Variants in GIT2 observed in about 807,000 individuals in gnomAD.
The protein encoded by GIT2 is GIT ArfGAP 2, also known as ARF GTPase-activating protein GIT2.
GIT2 carries 32 observed loss-of-function variants against 100.3 expected under a neutral mutation model. The observed-to-expected ratio is 0.32, with a 90% CI of 0.24 to 0.43. GIT2 has a LOEUF of 0.43. Among genes scored for constraint, GIT2 ranks in the 20% least tolerant of loss-of-function variants. GIT2 has a pLI of 1.00. For missense variants in GIT2, 737 were observed against 975.1 expected (o/e 0.76, Z 3.25); for synonymous variants, 353 against 364.1 (o/e 0.97, Z 0.35).
At position 109,933,554 on chromosome 12, in the gene GIT2, T is replaced by C. The variant is rs1235190643; in HGVS notation, c.2068-364A>G. On this transcript the variant is annotated intron_variant, in intron 19 of 19. Transcript: ENST00000355312. The surrounding 1 kb of genome is among the most constrained non-coding windows in gnomAD (Gnocchi z 4.5). ...CCTTGTCTTATTAAATCAACATTCA[T>C]GCAGAACAAAAATATTTCAAAGCTC... is the stretch of plus-strand genomic sequence containing the variant. The C allele has an allele frequency of 4.5e-6, 1 of 223,608 alleles. No individual in the cohort carries two copies. Among genetic ancestry groups the C allele is most frequent in the African/African-American group, 2.3e-5 (1 of 43,924 alleles). The allele number at this position is 223,608 out of a possible 1,614,324, so 13.9% of individuals were successfully genotyped here. A position where few individuals can be genotyped will look rare whatever the true frequency, so the allele number is the denominator to read the frequency against.
At position 109,938,560 on chromosome 12, in the gene GIT2, C is replaced by T. The variant is rs753919574; in HGVS notation, c.1823G>A (p.Arg608Gln). The change falls in exon 18 of 20, where the codon CGA becomes CAA. Residue 608 changes from arginine to glutamine, a missense_variant. Coordinates refer to ENST00000355312, the MANE Select transcript of GIT2 (RefSeq NM_057169.5). ...CACCATACTTCTTTGCCGTCCCTTT[C>T]GGCTTGACCTGTGAACATTAAAGAT... ...DMEPDGMGSS[R>Q]KGRQRSMVWP... is the part of the protein sequence containing the mutation. The T allele has an allele frequency of 1.6e-5, 25 of 1,591,654 alleles. No homozygotes were observed. The highest frequency in any genetic ancestry group is 5.7e-5 in the South Asian group (5 of 87,794).
intron 13 of GIT2, 153 bp downstream of exon 13, chr12:109,952,939 G>T: frequency 3.0e-6 from 2 of 672,870 alleles, no homozygotes; most frequent in South Asian, 3.9e-5. Context: ...GTGATGCAGG[G>T]ACAAGGATCC....
At position 109,933,965 on chromosome 12, in the gene GIT2, A is replaced by T; in HGVS notation, c.2067+57T>A. 1 of 935,308 alleles carries T rather than the reference A, an allele frequency of 1.1e-6. No homozygotes were observed. The highest frequency in any genetic ancestry group is 1.8e-6 in the Non-Finnish European group (1 of 559,882). The allele number at this position is 935,308 out of a possible 1,614,324, so 57.9% of individuals were successfully genotyped here. A position where few individuals can be genotyped will look rare whatever the true frequency, so the allele number is the denominator to read the frequency against. On this transcript the variant is annotated intron_variant, in intron 19 of 19. Transcript: ENST00000355312. The surrounding 1 kb of genome is among the most constrained non-coding windows in gnomAD (Gnocchi z 4.5). ...CTAATGTAATATATAGGTCATAAAG[A>T]AATTTCTTGCTGTTCATTTAAAAGG...
Position 109,939,157 on chromosome 12 carries a change from G to A in GIT2, c.1814+8C>T, listed in dbSNP as rs991465680. The A allele has an allele frequency of 6.3e-7, 1 of 1,580,054 alleles. No individual in the cohort carries two copies. Among genetic ancestry groups the A allele is most frequent in the Admixed American group, 1.7e-5 (1 of 59,956 alleles). ...CCCTCCCCTGGCACGCTCGTCCTGTGCATGTACCCCATGCCATCTGGCTCC... is the reference window on the plus strand; with the variant it reads ...CCCTCCCCTGGCACGCTCGTCCTGTACATGTACCCCATGCCATCTGGCTCC... On this transcript the variant is annotated splice_region_variant and intron_variant, in intron 17 of 19. Transcript: ENST00000355312.
chr12:109,968,144 C>G (rs1882948089), intron 7 of GIT2, among the ~76,000 whole-genome samples: 1 of 152,216 alleles, frequency 6.6e-6, no homozygotes, highest in Non-Finnish European at 1.5e-5. Flanking sequence ...TGGTAAGAAA[C>G]TGCCAGACCT....
chr12:109,941,833 T>C (rs1874821052), intron 16 of GIT2, among the ~76,000 whole-genome samples: 1 of 148,282 alleles, frequency 6.7e-6, no homozygotes, highest in African/African-American at 2.4e-5. Flanking sequence ...TTTTTTTTCT[T>C]TTTTTTTTTT....
intron 12 of GIT2, among the ~76,000 whole-genome samples, chr12:109,959,086 GA>G (rs1406310238): frequency 1.0e-5 from 1 of 99,610 alleles, no homozygotes; most frequent in Non-Finnish European, 2.1e-5. Flanking sequence ...TTTTTTTTTT[GA>G]AACAGAGTCT....
chr12:109,999,737 G>A (rs1219134577), upstream of GIT2: 1 of 1,535,974 alleles, frequency 6.5e-7, no homozygotes, highest in Non-Finnish European at 8.8e-7. This position sits in a 1 kb window ranked among gnomAD's most constrained non-coding sequence, Gnocchi z 4.3. Flanking sequence ...GCACCTCCTA[G>A]TCTGGAAAAA....
Position 109,934,668 on chromosome 12 carries a change from C to T in GIT2, c.2004-583G>A, listed in dbSNP as rs888517280. Among the ~76,000 whole-genome samples the T allele has an allele frequency of 6.6e-6, 1 of 152,202 alleles. No homozygotes were observed. Among genetic ancestry groups the T allele is most frequent in the Admixed American group, 6.5e-5 (1 of 15,288 alleles). On this transcript the variant is annotated intron_variant, in intron 18 of 19. Coordinates refer to ENST00000355312, the MANE Select transcript of GIT2 (RefSeq NM_057169.5). The surrounding 1 kb of genome is among the most constrained non-coding windows in gnomAD (Gnocchi z 4.5). ...GTGCTGGGGTTACAGGTGTGAGCCA[C>T]GGTGTCCAGCCCTTTCCCCATTTTT... is the stretch of plus-strand genomic sequence containing the variant.
intron 7 of GIT2, among the ~76,000 whole-genome samples, chr12:109,975,035 T>C (rs941581703): frequency 6.6e-6 from 1 of 152,244 alleles, no homozygotes; most frequent in Admixed American, 6.5e-5. Context: ...TCCGTGCTAA[T>C]ATTCCCTCCT....
At chr12:109,996,872 T>A (rs1488546413), upstream of GIT2, among the ~76,000 whole-genome samples, 2 of 151,216 alleles carry the variant, frequency 1.3e-5, no homozygotes, top group Non-Finnish European at 2.9e-5. Flanking sequence ...GAGGCAGGAG[T>A]TCGAGACCAG....
intron 1 of GIT2, among the ~76,000 whole-genome samples, chr12:109,993,448 C>A (rs1188952786): frequency 1.3e-5 from 2 of 152,050 alleles, no homozygotes; most frequent in East Asian, 3.9e-4. Flanking sequence ...ATCCTGGGAG[C>A]CAGTGAGTAT....
intron 13 of GIT2, chr12:109,952,698 T>G: frequency 2.0e-6 from 1 of 498,116 alleles, no homozygotes. Context: ...CAGCCATAGA[T>G]TCTCTCTCTG....
Position 109,929,989 on chromosome 12 carries a change from T to C in GIT2, c.*2989A>G, listed in dbSNP as rs1051656553. The C allele has an allele frequency of 1.3e-5, 2 of 152,488 alleles. No homozygotes were observed. Among genetic ancestry groups the C allele is most frequent in the African/African-American group, 4.8e-5 (2 of 41,444 alleles). The allele number at this position is 152,488 out of a possible 1,614,324, so 9.4% of individuals were successfully genotyped here. On this transcript the variant is annotated 3_prime_UTR_variant, in exon 20 of 20. Coordinates refer to ENST00000355312, the MANE Select transcript of GIT2 (RefSeq NM_057169.5). ...TTTTCCTATGCAGCATTTTCTTTTC[T>C]AGGAACACGTTACCTTCAACCAGGA...
chr12:109,970,083 C>T (rs1033170254), intron 7 of GIT2, among the ~76,000 whole-genome samples: 3 of 152,006 alleles, frequency 2.0e-5, no homozygotes, highest in African/African-American at 7.2e-5. Context: ...AGAAGTTTTA[C>T]AGTGTCAGGT....
intron 7 of GIT2, among the ~76,000 whole-genome samples, chr12:109,970,504 A>AAAC (rs909782740): frequency 2.0e-5 from 3 of 152,128 alleles, no homozygotes; most frequent in Non-Finnish European, 2.9e-5. Flanking sequence ...AAAAAACAGA[A>AAAC]AACAACAACA....
intron 2 of GIT2, among the ~76,000 whole-genome samples, 198 bp downstream of exon 2, chr12:109,991,429 T>G (rs1452193361): frequency 6.6e-6 from 1 of 152,204 alleles, no homozygotes. Flanking sequence ...ACAAGATTTA[T>G]GTCAAGTAGG....
intron 4 of GIT2, among the ~76,000 whole-genome samples, chr12:109,984,169 G>A (rs377371990): frequency 2.6e-5 from 4 of 152,136 alleles, no homozygotes; most frequent in East Asian, 1.9e-4. Flanking sequence ...CAGCACTTTG[G>A]GGGGCTGAGG....
chr12:109,972,457 G>T (rs1884122380), intron 7 of GIT2, among the ~76,000 whole-genome samples: 1 of 152,022 alleles, frequency 6.6e-6, no homozygotes, highest in South Asian at 2.1e-4. Context: ...TAACTTGATA[G>T]ATTACATTAA....
Sources: gnomAD v4.1 joint callset for allele counts (sites outside exome capture counted in the v4.1 genomes callset) on GRCh38, gnomAD v4.1.1 for gene constraint, Gnocchi (gnomAD v3.1) non-coding constraint, MANE v1.5 for transcripts, NCBI Gene and HGNC (gene_info 2026-07-23, HGNC 2026-07-21) for gene names.